PTPRB: variants seen among roughly 807,000 people sequenced by gnomAD.
The protein encoded by PTPRB is protein tyrosine phosphatase receptor type B, also known as receptor-type tyrosine-protein phosphatase beta.
In PTPRB, 97 loss-of-function variants were observed where a neutral mutation model predicts 238.1. The observed-to-expected ratio is 0.41, with a 90% CI of 0.35 to 0.48. The LOEUF (loss-of-function observed/expected upper bound fraction) is 0.48, where lower values mean the gene tolerates loss of function less well. PTPRB is among the 20% of genes least tolerant of loss of function. PTPRB has a pLI of 0.30. For missense variants in PTPRB, 2,292 were observed against 2,681.9 expected (o/e 0.85, Z 3.21); for synonymous variants, 970 against 995.4 (o/e 0.97, Z 0.48).
At chr12:70,595,008 G>A (rs1348159633) in intron 5 of PTPRB, among the ~76,000 whole-genome samples, 1 of 152,068 alleles carries the variant, frequency 6.6e-6, no homozygotes, top group Admixed American at 6.6e-5. Context: ...TTGCACAGCA[G>A]TAAGTAGAAG....
At chr12:70,559,205 G>C in intron 18 of PTPRB, 138 bp downstream of exon 18, 1 of 930,830 alleles carries the variant, frequency 1.1e-6, no homozygotes, top group Non-Finnish European at 1.7e-6. Context: ...CAAATCTACA[G>C]AGACTTCTGC....
intron 2 of PTPRB, among the ~76,000 whole-genome samples, chr12:70,632,177 C>T (rs1885481231): frequency 1.3e-5 from 2 of 152,014 alleles, no homozygotes; most frequent in Admixed American, 6.6e-5. Context: ...TGGAACCAAC[C>T]CAAATGTCCA....
At chr12:70,562,284 C>A (rs577080076) in intron 16 of PTPRB, among the ~76,000 whole-genome samples, 2 of 150,986 alleles carry the variant, frequency 1.3e-5, no homozygotes, top group East Asian at 3.9e-4. Context: ...AACTCGTCCC[C>A]CCCCAAAACA....
intron 31 of PTPRB, among the ~76,000 whole-genome samples, 187 bp from the exon 32 acceptor site, chr12:70,532,357 T>C (rs1873404891): frequency 7.5e-6 from 1 of 133,188 alleles, no homozygotes; most frequent in Non-Finnish European, 1.6e-5. Context: ...CTTCTATCTC[T>C]TTCCACTCCC....
At chr12:70,521,612 AT>A in intron 33 of PTPRB, 101 bp from the exon 34 acceptor site, 1 of 1,037,314 alleles carries the variant, frequency 9.6e-7, no homozygotes, top group Non-Finnish European at 1.4e-6. Flanking sequence ...GCAGAAACAT[AT>A]AGCTCAACCT....
intron 3 of PTPRB, among the ~76,000 whole-genome samples, chr12:70,610,748 C>T (rs549992571): frequency 1.6e-4 from 24 of 152,264 alleles, no homozygotes; most frequent in Admixed American, 1.5e-3. Context: ...ATAATCACTA[C>T]CAAGTGTTCA....
Position 70,594,487 on chromosome 12 carries a change from C to G in PTPRB, c.1496G>C (p.Arg499Thr). The part of the protein sequence containing the change: ...MTEAAGLQNY[R>T]WKLVRTAPME... ...CTTACCTGTCCTGACTAGTTTCCACCTGTAGTTTTGCAGCCCTGCAGCCTC... is the reference window on the plus strand; with the variant it reads ...CTTACCTGTCCTGACTAGTTTCCACGTGTAGTTTTGCAGCCCTGCAGCCTC... Residue 499 changes from arginine to threonine, a missense_variant, in exon 6 of 34, where the codon AGG (arginine) becomes ACG (threonine). Arg to Thr is a moderately conservative substitution (Grantham distance 71). Coordinates refer to ENST00000334414, the MANE Select transcript of PTPRB (RefSeq NM_001109754.4). 1 of 1,613,968 alleles carries G rather than the reference C, an allele frequency of 6.2e-7. No homozygotes were observed. The highest frequency in any genetic ancestry group is 8.5e-7 in the Non-Finnish European group (1 of 1,179,888).
intron 20 of PTPRB, among the ~76,000 whole-genome samples, chr12:70,553,323 G>C (rs1007374575): frequency 6.6e-6 from 1 of 152,172 alleles, no homozygotes; most frequent in African/African-American, 2.4e-5. Context: ...CAACTCCAGA[G>C]TGTTGGACAA....
At chr12:70,619,819 TCTTA>T (rs1349972210) in intron 3 of PTPRB, among the ~76,000 whole-genome samples, 1 of 152,236 alleles carries the variant, frequency 6.6e-6, no homozygotes, top group Admixed American at 6.5e-5. Flanking sequence ...TTTACTCCTT[TCTTA>T]TACTTTTCTA....
chr12:70,551,033 T>C (rs1695316931), intron 21 of PTPRB, among the ~76,000 whole-genome samples: 1 of 152,146 alleles, frequency 6.6e-6, no homozygotes, highest in South Asian at 2.1e-4. Context: ...GTAGCTGGGA[T>C]TACAGGCGTG....
Position 70,609,335 on chromosome 12 carries a change from C to G in PTPRB, c.713G>C (p.Gly238Ala), listed in dbSNP as rs1279358601. ...QPFSSTTEET[G>A]LAEPERCNFT... is the part of the protein sequence containing the mutation. The stretch of plus-strand genomic sequence containing the variant: ...GTTACATCTCTCTGGCTCCGCCAGT[C>G]CAGTCTGCAAAGGAATCAGACACAA... Residue 238 changes from glycine to alanine, a missense_variant, in exon 4 of 34, where the codon GGA (glycine) becomes GCA (alanine). Physicochemically the swap from Gly to Ala is moderately conservative, Grantham distance 60. Coordinates refer to ENST00000334414, the MANE Select transcript of PTPRB (RefSeq NM_001109754.4). 1.9e-6 allele frequency: 3 copies of G among 1,613,616 alleles called. No individual in the cohort carries two copies. The highest frequency in any genetic ancestry group is 2.2e-5 in the South Asian group (2 of 91,024).
At chr12:70,576,324 G>A (rs1880679888) in intron 11 of PTPRB, 58 bp downstream of exon 11, 4 of 1,553,088 alleles carry the variant, frequency 2.6e-6, no homozygotes, top group Non-Finnish European at 2.6e-6. Context: ...GCTCTGTGGT[G>A]CCCTGAGCCA....
chr12:70,524,329 G>T, intron 33 of PTPRB, 142 bp downstream of exon 33: 1 of 851,786 alleles, frequency 1.2e-6, no homozygotes. Context: ...TGCCCAGGCT[G>T]GTTTCAAACT....
Position 70,569,792 on chromosome 12 carries a change from G to A in PTPRB, c.3517C>T (p.Pro1173Ser). ...AACGTGTGCTCAAAGACGTGCTTGG[G>A]AATAGTCTGAGAGTCAACCTTTTGA... is the stretch of plus-strand genomic sequence containing the variant. The part of the protein sequence containing the change: ...HSQKVDSQTI[P>S]KHVFEHTFHR... The change falls in exon 14 of 34, where the codon CCC becomes TCC. Residue 1173 changes from proline to serine, a missense_variant. This residue lies in a region of PTPRB where 683 missense variants were observed against 862.0 expected (regional missense o/e 0.79). Coordinates refer to ENST00000334414, the MANE Select transcript of PTPRB (RefSeq NM_001109754.4). 6.2e-7 allele frequency: 1 copy of A among 1,613,896 alleles called. No individual in the cohort carries two copies. Among genetic ancestry groups the A allele is most frequent in the Non-Finnish European group, 8.5e-7 (1 of 1,179,888 alleles).
At position 70,569,887 on chromosome 12, in the gene PTPRB, C is replaced by T. The variant is rs775764884; in HGVS notation, c.3422G>A (p.Ser1141Asn). Residue 1141 changes from serine (S) to asparagine (N), a missense_variant, in exon 14 of 34, where the codon AGC (serine) becomes AAC (asparagine). Transcript: ENST00000334414. ...IHISPNGATD[S>N]LTVNWTPGGG... ...ACCAGGAGTCCAGTTCACCGTCAGG[C>T]TATCTGTTGCTCCATTGGGAGAAAT... 6.2e-7 allele frequency: 1 copy of T among 1,613,076 alleles called. No homozygotes were observed. The highest frequency in any genetic ancestry group is 1.1e-5 in the South Asian group (1 of 91,050).
intron 12 of PTPRB, 106 bp from the exon 13 acceptor site, chr12:70,571,395 C>T (rs942122736): frequency 9.0e-7 from 1 of 1,116,294 alleles, no homozygotes; most frequent in African/African-American, 1.6e-5. Context: ...CTCCCTTCCC[C>T]AAATAAACCA....
rs73332218 is a variant in PTPRB at position 70,540,973 on chromosome 12, T to G, written c.5495-16A>C. The stretch of plus-strand genomic sequence containing the variant: ...AACAAGGGCTCTACAATAATCCAGA[T>G]AGAAACAACAAACGCAGGTGGGAAA... On this transcript the variant is annotated splice_polypyrimidine_tract_variant and intron_variant, in intron 22 of 33. Transcript: ENST00000334414. 5 of 1,584,344 alleles carry G rather than the reference T, an allele frequency of 3.2e-6. No individual in the cohort carries two copies. Among genetic ancestry groups the G allele is most frequent in the South Asian group, 1.2e-5 (1 of 86,108 alleles).
rs753512953 is a variant in PTPRB, at chr12:70,539,818, C to T, written c.5696+9G>A. On this transcript the variant is annotated intron_variant, in intron 25 of 33. Transcript: ENST00000334414. ...GATAATATAGTAATTAATGTGTTCT[C>T]TCTCTTACCAAGAAGTTTTCCGGTT... 6.3e-7 allele frequency: 1 copy of T among 1,597,642 alleles called. No individual in the cohort carries two copies. The highest frequency in any genetic ancestry group is 2.2e-5 in the East Asian group (1 of 44,806).
chr12:70,544,324 T>G (rs1299095975), intron 22 of PTPRB, among the ~76,000 whole-genome samples: 1 of 152,202 alleles, frequency 6.6e-6, no homozygotes, highest in Non-Finnish European at 1.5e-5. Context: ...ATAATTCATT[T>G]TTAATAGAAA....
Sources: gnomAD v4.1 joint callset for allele counts (sites outside exome capture counted in the v4.1 genomes callset) on GRCh38, gnomAD v4.1.1 for gene constraint, gnomAD v4.1.1 regional missense constraint, MANE v1.5 for transcripts, NCBI Gene and HGNC (gene_info 2026-07-23, HGNC 2026-07-21) for gene names.